Variants in CDKL5 observed in about 807,000 individuals in gnomAD.
CDKL5 encodes the protein cyclin dependent kinase like 5, also known as cyclin-dependent kinase-like 5.
Under a neutral mutation model 61.7 loss-of-function variants are expected in CDKL5, and 8 were observed. The ratio of observed to expected loss-of-function variants is 0.13; its 90% confidence interval spans 0.08 to 0.23. The LOEUF (loss-of-function observed/expected upper bound fraction) is 0.23, where lower values mean the gene tolerates loss of function less well. CDKL5 is among the 10% of genes least tolerant of loss of function. The probability of loss-of-function intolerance (pLI) is 1.00; values close to 1 mark genes in which losing one functional copy is unlikely to be tolerated. For missense variants in CDKL5, 440 were observed against 734.5 expected (o/e 0.60, Z 4.63); for synonymous variants, 275 against 272.3 (o/e 1.01, Z -0.10).
Position 18,445,638 on chromosome X carries a change from C to T in CDKL5, c.-163+19943C>T, listed in dbSNP as rs148974133. On this transcript the variant is annotated intron_variant, in intron 1 of 17. Coordinates refer to ENST00000623535, the MANE Select transcript of CDKL5 (RefSeq NM_001323289.2). ...ACTGGATCATGGGGGCGGTTTCCCC[C>T]GTGCTGTTCCTGTGAGTTCTCATGA... 6.0e-3 allele frequency among the ~76,000 whole-genome samples: 668 copies of T among 110,802 alleles called. 11 individuals carry two copies. In the East Asian group the frequency reaches 0.066, roughly 11 times the overall value.
intron 1 of CDKL5, among the ~76,000 whole-genome samples, chrX:18,479,121 A>G (rs1921444130): frequency 9.1e-6 from 1 of 110,333 alleles, no homozygotes; most frequent in South Asian, 3.8e-4. Context: ...CCAAAGTGTT[A>G]GGATTATAGG....
In CDKL5 at chrX:18,634,453, G is replaced by C. The variant is rs902222399; in HGVS notation, c.*5696G>C. 6.6e-6 allele frequency: 5 copies of C among 752,272 alleles called. No homozygotes were observed. Among genetic ancestry groups the C allele is most frequent in the African/African-American group, 2.3e-5 (1 of 43,096 alleles). 62.0% of individuals were successfully genotyped at this position (752,272 alleles called of 1,213,427 possible). A position where few individuals can be genotyped will look rare whatever the true frequency, so the allele number is the denominator to read the frequency against. On this transcript the variant is annotated 3_prime_UTR_variant, in exon 18 of 18. Transcript: ENST00000623535. Reference sequence around the variant, plus strand: ...TTTTGCCAGAATTGTCAAAAGCTCCGGTTCAAACTCTGTAGAGTTTCATGG... The same window carrying C: ...TTTTGCCAGAATTGTCAAAAGCTCCCGTTCAAACTCTGTAGAGTTTCATGG...
rs1017190904 is a variant in CDKL5, at chrX:18,437,730, G to A, written c.-163+12035G>A. ...GTCTCTGTTAAACATTTTATGTTCA[G>A]GTGGGCTTATGTATATATAAGTGCT... On this transcript the variant is annotated intron_variant, in intron 1 of 17. Coordinates refer to ENST00000623535, the MANE Select transcript of CDKL5 (RefSeq NM_001323289.2). 8.0e-5 allele frequency among the ~76,000 whole-genome samples: 9 copies of A among 112,041 alleles called. No individual in the cohort carries two copies. In the Admixed American group the frequency reaches 8.5e-4, roughly 11 times the overall value.
intron 3 of CDKL5, among the ~76,000 whole-genome samples, chrX:18,527,222 A>T (rs1177745862): frequency 9.0e-6 from 1 of 111,727 alleles, no homozygotes; most frequent in Non-Finnish European, 1.9e-5. Flanking sequence ...AAATATATTT[A>T]GCTTATTTTG....
Position 18,634,248 on chromosome X carries a change from T to C in CDKL5, c.*5491T>C. On this transcript the variant is annotated 3_prime_UTR_variant, in exon 18 of 18. Transcript: ENST00000623535. ...CATCCCCCCTGTTTTGACAGACTGC[T>C]AAGAATTCCTCAGGACTTCCTTTGG... 1 of 753,742 alleles carries C rather than the reference T, an allele frequency of 1.3e-6. No individual in the cohort carries two copies. The highest frequency in any genetic ancestry group is 1.6e-6 in the Non-Finnish European group (1 of 638,841). The allele number at this position is 753,742 out of a possible 1,213,427, so 62.1% of individuals were successfully genotyped here.
chrX:18,451,032 A>G (rs1282251791), intron 1 of CDKL5, among the ~76,000 whole-genome samples: 1 of 111,371 alleles, frequency 9.0e-6, no homozygotes, highest in African/African-American at 3.3e-5. Flanking sequence ...AGGGTCCCTG[A>G]AGGGTGGCAG....
Position 18,531,896 on chromosome X carries a change from C to T in CDKL5, c.99+21042C>T, listed in dbSNP as rs974564577. Among the ~76,000 whole-genome samples the T allele has an allele frequency of 2.7e-4, 29 of 106,200 alleles. No individual in the cohort carries two copies. In the South Asian group the frequency reaches 5.7e-3, roughly 21 times the overall value. 92.2% of individuals were successfully genotyped at this position (106,200 alleles called of 115,157 possible). ...TAATTTTTTGTATTTTTAGTAGAGA[C>T]GGGGTTTCACCTTGTTAGCCAGGAT... is the stretch of plus-strand genomic sequence containing the variant. On this transcript the variant is annotated intron_variant, in intron 3 of 17. Coordinates refer to ENST00000623535, the MANE Select transcript of CDKL5 (RefSeq NM_001323289.2).
intron 3 of CDKL5, among the ~76,000 whole-genome samples, chrX:18,556,105 T>C (rs1259798505): frequency 8.9e-6 from 1 of 111,962 alleles, no homozygotes; most frequent in Non-Finnish European, 1.9e-5. Flanking sequence ...TATCCTGTGC[T>C]TGAATTTCCT....
At position 18,630,198 on chromosome X, in the gene CDKL5, A is replaced by G. The variant is rs983535414; in HGVS notation, c.*1441A>G. The G allele has an allele frequency of 1.0e-4, 75 of 750,661 alleles. No homozygotes were observed. The highest frequency in any genetic ancestry group is 1.1e-4 in the Non-Finnish European group (68 of 638,559). The allele number at this position is 750,661 out of a possible 1,213,427, so 61.9% of individuals were successfully genotyped here. ...TTCATGCACACCTGTTACGCACACA[A>G]CCCCCATCAGAACAGGACCTATCTT... On this transcript the variant is annotated 3_prime_UTR_variant, in exon 18 of 18. Coordinates refer to ENST00000623535, the MANE Select transcript of CDKL5 (RefSeq NM_001323289.2).
chrX:18,518,385 CTTATTTTTTTTTTTTTTTTTT>C (rs1923110953), intron 3 of CDKL5, among the ~76,000 whole-genome samples: 4 of 22,794 alleles, frequency 1.8e-4, no homozygotes, highest in African/African-American at 6.1e-4. Flanking sequence ...CTTTTCTTTT[CTTATTTTTTTTTTTTTTTTTT>C]TTTTTTTTTT....
intron 1 of CDKL5, among the ~76,000 whole-genome samples, chrX:18,465,419 C>T (rs750027682): frequency 2.4e-3 from 266 of 111,461 alleles, no homozygotes; most frequent in Non-Finnish European, 4.2e-3. Context: ...AATCCCAGCA[C>T]TTTTGGGAGG....
At chrX:18,513,135 G>T (rs775992036) in intron 3 of CDKL5, among the ~76,000 whole-genome samples, 19 of 111,946 alleles carry the variant, frequency 1.7e-4, no homozygotes, top group Non-Finnish European at 2.3e-4. Flanking sequence ...ACTTCAACCT[G>T]TGACCTTTTC....
intron 5 of CDKL5, among the ~76,000 whole-genome samples, chrX:18,579,522 T>A (rs1925404749): frequency 9.0e-6 from 1 of 111,582 alleles, no homozygotes; most frequent in Non-Finnish European, 1.9e-5. Flanking sequence ...CCCCCCTTTA[T>A]ACATTACAGT....
At chrX:18,599,161 A>G (rs895959782) in intron 11 of CDKL5, among the ~76,000 whole-genome samples, 3 of 112,789 alleles carry the variant, frequency 2.7e-5, no homozygotes, top group Non-Finnish European at 5.6e-5. Context: ...AGTGATTAAA[A>G]TTGTTGCTCT....
chrX:18,499,425 A>G (rs2147086042), intron 1 of CDKL5, among the ~76,000 whole-genome samples: 1 of 100,527 alleles, frequency 9.9e-6, no homozygotes, highest in South Asian at 4.8e-4. Flanking sequence ...CAGTGGCTCG[A>G]TCTCGGCTCA....
intron 7 of CDKL5, among the ~76,000 whole-genome samples, chrX:18,583,128 A>C (rs1389724548): frequency 1.8e-5 from 2 of 112,031 alleles, no homozygotes; most frequent in Non-Finnish European, 3.8e-5. Flanking sequence ...TTACTACCCA[A>C]AACAGAGACT....
intron 10 of CDKL5, among the ~76,000 whole-genome samples, chrX:18,596,529 T>G (rs1184081264): frequency 1.8e-5 from 2 of 112,280 alleles, no homozygotes. Context: ...TCTAGTGTTC[T>G]TCTGAATACA....
intron 1 of CDKL5, chrX:18,442,557 G>A (rs1014482991): frequency 1.8e-5 from 2 of 110,997 alleles, no homozygotes; most frequent in African/African-American, 3.3e-5. Context: ...GCTGTGGCGC[G>A]ATCTCGGCTC....
intron 1 of CDKL5, among the ~76,000 whole-genome samples, chrX:18,491,265 CA>C (rs1352127971): frequency 8.9e-6 from 1 of 111,877 alleles, no homozygotes; most frequent in Non-Finnish European, 1.9e-5. Flanking sequence ...TTTTTGTGCT[CA>C]TTTTCAATTT....
Sources: allele counts gnomAD v4.1 joint callset (sites outside exome capture counted in the v4.1 genomes callset), GRCh38; gene constraint gnomAD v4.1.1; transcripts MANE v1.5; gene names NCBI Gene and HGNC (gene_info 2026-07-23, HGNC 2026-07-21).